SLC30A1: variants seen among roughly 807,000 people sequenced by gnomAD.
SLC30A1 encodes the protein proton-coupled zinc antiporter SLC30A1.
Under a neutral mutation model 29.8 loss-of-function variants are expected in SLC30A1, and 7 were observed. The observed-to-expected ratio is 0.23, with a 90% CI of 0.13 to 0.44. SLC30A1 has a LOEUF of 0.44. Ranked by LOEUF, SLC30A1 falls within the 20% of genes least tolerant of loss-of-function variation. SLC30A1 has a pLI of 1.00. For synonymous variants in SLC30A1, 254 were observed against 253.5 expected, an observed-to-expected ratio of 1.00 and a Z score of -0.02; for missense variants, 446 against 647.9, an observed-to-expected ratio of 0.69 and a Z score of 3.38.
At position 211,573,225 on chromosome 1, in the gene SLC30A1, A is replaced by G. The variant is rs924000825; in HGVS notation, c.*2163T>C. On this transcript the variant is annotated 3_prime_UTR_variant, in exon 2 of 2. Transcript: ENST00000367001. ...TCTGCCGACAGTCATTTGAAAAAAG[A>G]AAATCCTATGGTACCACCATTATAT... 1 of 152,116 alleles carries G rather than the reference A, an allele frequency of 6.6e-6. No homozygotes were observed. The highest frequency in any genetic ancestry group is 1.5e-5 in the Non-Finnish European group (1 of 67,930). 9.4% of individuals were successfully genotyped at this position (152,116 alleles called of 1,614,324 possible). A position where few individuals can be genotyped will look rare whatever the true frequency, so the allele number is the denominator to read the frequency against.
Position 211,578,757 on chromosome 1 carries a change from C to A in SLC30A1, c.-145G>T. 1 of 735,878 alleles carries A rather than the reference C, an allele frequency of 1.4e-6. No individual in the cohort carries two copies. 45.6% of individuals were successfully genotyped at this position (735,878 alleles called of 1,614,324 possible). A position where few individuals can be genotyped will look rare whatever the true frequency, so the allele number is the denominator to read the frequency against. On this transcript the variant is annotated 5_prime_UTR_variant, in exon 1 of 2. Transcript: ENST00000367001. ...AACCGCTGAGGGGCCCCCGCGGCCG[C>A]ACGGGGACAAGCCCGGGTCAAGCCG...
In SLC30A1 at chr1:211,572,830, A is replaced by T. The variant is rs1706668649; in HGVS notation, c.*2558T>A. 6.6e-6 allele frequency: 1 copy of T among 152,110 alleles called. No homozygotes were observed. Among genetic ancestry groups the T allele is most frequent in the South Asian group, 2.1e-4 (1 of 4,830 alleles). 9.4% of individuals were successfully genotyped at this position (152,110 alleles called of 1,614,324 possible). On this transcript the variant is annotated 3_prime_UTR_variant, in exon 2 of 2. Coordinates refer to ENST00000367001, the MANE Select transcript of SLC30A1 (RefSeq NM_021194.3). Reference sequence around the variant, plus strand: ...AATTTCTTGGTTTTAATTCAGGCACATGCAGCACCTCCTTTTCACTAAACT... The same window carrying T: ...AATTTCTTGGTTTTAATTCAGGCACTTGCAGCACCTCCTTTTCACTAAACT...
chr1:211,578,430 G>T lies in SLC30A1; in HGVS notation c.183C>A (p.Ala61=). The change falls in exon 1 of 2, where the codon GCC becomes GCA. Residue 61 remains alanine (A), a synonymous_variant. Transcript: ENST00000367001. ...LVVALVAERF[A]RRTHATQKNT... is the part of the protein sequence containing the mutation. ...TCTTCTGGGTGGCGTGGGTCCGCCG[G>T]GCGAAGCGCTCGGCCACCAGCGCCA... is the stretch of plus-strand genomic sequence containing the variant. 4 of 1,612,556 alleles carry T rather than the reference G, an allele frequency of 2.5e-6. No homozygotes were observed. Among genetic ancestry groups the T allele is most frequent in the Non-Finnish European group, 3.4e-6 (4 of 1,179,596 alleles).
At position 211,578,352 on chromosome 1, in the gene SLC30A1, G is replaced by A; in HGVS notation, c.261C>T (p.Ile87=). 6.2e-7 allele frequency: 1 copy of A among 1,613,874 alleles called. No homozygotes were observed. Among genetic ancestry groups the A allele is most frequent in the Non-Finnish European group, 8.5e-7 (1 of 1,179,966 alleles). The change falls in exon 1 of 2, where the codon ATC becomes ATT. Residue 87 remains isoleucine (I), a synonymous_variant. Coordinates refer to ENST00000367001, the MANE Select transcript of SLC30A1 (RefSeq NM_021194.3). ...AEVMGALVNA[I]FLTGLCFAIL... ...TGGCGAAACAGAGGCCAGTCAGGAA[G>A]ATGGCGTTCACCAGAGCCCCCATTA...
Position 211,576,284 on chromosome 1 carries a change from C to T in SLC30A1, c.628G>A (p.Glu210Lys). The change falls in exon 2 of 2, where the codon GAA becomes AAA. Residue 210 changes from glutamate (E) to lysine (K), a missense_variant. By Grantham distance (56) the Glu-to-Lys change is moderately conservative. This residue lies in a region of SLC30A1 where 159 missense variants were observed against 161.1 expected (regional missense o/e 0.99). Transcript: ENST00000367001. ...NGLKLDPADPENPRSGDTVEV... is the reference protein window; with the variant it reads ...NGLKLDPADPKNPRSGDTVEV... ...ACTGTATCACCACTTCTGGGGTTTTCTGGGTCTACAAAGAAATAAAAATTT... is the reference window on the plus strand; with the variant it reads ...ACTGTATCACCACTTCTGGGGTTTTTTGGGTCTACAAAGAAATAAAAATTT... 1 of 1,564,974 alleles carries T rather than the reference C, an allele frequency of 6.4e-7. No individual in the cohort carries two copies. The highest frequency in any genetic ancestry group is 8.6e-7 in the Non-Finnish European group (1 of 1,158,092).
Position 211,578,076 on chromosome 1 carries a change from C to T in SLC30A1, c.537G>A (p.Pro179=), listed in dbSNP as rs1706743907. 2.5e-6 allele frequency: 4 copies of T among 1,612,440 alleles called. No individual in the cohort carries two copies. Among genetic ancestry groups the T allele is most frequent in the East Asian group, 4.5e-5 (2 of 44,854 alleles). Reference sequence around the variant, plus strand: ...CCTCCTGGTCGGGACCCTGCTCGCCCGGGGCCACGTTGATGTCGCTGCTCC... The same window carrying T: ...CCTCCTGGTCGGGACCCTGCTCGCCTGGGGCCACGTTGATGTCGCTGCTCC... ...RPGSSDINVA[P]GEQGPDQEET... Residue 179 remains proline (P), a synonymous_variant, in exon 1 of 2, where the codon CCG becomes CCA. Transcript: ENST00000367001.
In SLC30A1 at chr1:211,574,302, T is replaced by C. The variant is rs1382867080; in HGVS notation, c.*1086A>G. On this transcript the variant is annotated 3_prime_UTR_variant, in exon 2 of 2. Coordinates refer to ENST00000367001, the MANE Select transcript of SLC30A1 (RefSeq NM_021194.3). ...CTTACAAAATCTTAATTAATTTTGC[T>C]TTAATTATTAATTTTGCTAAGAATT... 6.6e-6 allele frequency: 1 copy of C among 152,084 alleles called. No homozygotes were observed. Among genetic ancestry groups the C allele is most frequent in the Non-Finnish European group, 1.5e-5 (1 of 67,938 alleles). 9.4% of individuals were successfully genotyped at this position (152,084 alleles called of 1,614,324 possible). A position where few individuals can be genotyped will look rare whatever the true frequency, so the allele number is the denominator to read the frequency against.
rs893484780 is a variant in SLC30A1, at chr1:211,573,856, G to A, written c.*1532C>T. ...TCAGCTGTTCTTAAATAGGCCCATC[G>A]CCAGCAATAGGCTTATACTAGGAAA... is the stretch of plus-strand genomic sequence containing the variant. On this transcript the variant is annotated 3_prime_UTR_variant, in exon 2 of 2. Transcript: ENST00000367001. The A allele has an allele frequency of 2.0e-5, 3 of 152,476 alleles. No individual in the cohort carries two copies. The highest frequency in any genetic ancestry group is 4.8e-5 in the African/African-American group (2 of 41,510). 9.4% of individuals were successfully genotyped at this position (152,476 alleles called of 1,614,324 possible).
chr1:211,574,003 A>G lies in SLC30A1; in HGVS notation c.*1385T>C, dbSNP rs1372831429. Reference sequence around the variant, plus strand: ...CCCAAAACGTAGCCATCCCAAAAGTAGTCAGCTATAAAAGTAGTCAGAATA... The same window carrying G: ...CCCAAAACGTAGCCATCCCAAAAGTGGTCAGCTATAAAAGTAGTCAGAATA... On this transcript the variant is annotated 3_prime_UTR_variant, in exon 2 of 2. Coordinates refer to ENST00000367001, the MANE Select transcript of SLC30A1 (RefSeq NM_021194.3). The G allele has an allele frequency of 6.6e-6, 1 of 152,568 alleles. No homozygotes were observed. The allele number at this position is 152,568 out of a possible 1,614,324, so 9.5% of individuals were successfully genotyped here.
intron 1 of SLC30A1, among the ~76,000 whole-genome samples, chr1:211,576,697 G>A (rs1706723292): frequency 6.6e-6 from 1 of 152,112 alleles, no homozygotes. Flanking sequence ...TGACACTCGG[G>A]CACTCTCTAG....
chr1:211,576,339 A>G (rs998121084), intron 1 of SLC30A1, 50 bp from the exon 2 acceptor site: 2 of 1,216,800 alleles, frequency 1.6e-6, no homozygotes, highest in Non-Finnish European at 2.3e-6. Context: ...GTGTTTATAT[A>G]AACATCCTTG....
chr1:211,572,772 C>T lies in SLC30A1; in HGVS notation c.*2616G>A, dbSNP rs1261963738. ...AAAAGGTGACAATGGAGAATTAAAT[C>T]TCTCATCACTAAGGCTGCATTTGGC... is the stretch of plus-strand genomic sequence containing the variant. On this transcript the variant is annotated 3_prime_UTR_variant, in exon 2 of 2. Transcript: ENST00000367001. The T allele has an allele frequency of 6.6e-6, 1 of 152,050 alleles. No homozygotes were observed. Among genetic ancestry groups the T allele is most frequent in the Non-Finnish European group, 1.5e-5 (1 of 67,940 alleles). 9.4% of individuals were successfully genotyped at this position (152,050 alleles called of 1,614,324 possible). A position where few individuals can be genotyped will look rare whatever the true frequency, so the allele number is the denominator to read the frequency against.
rs1246827415 is a variant in SLC30A1 at position 211,573,309 on chromosome 1, CA to C, written c.*2078del. The C allele has an allele frequency of 2.0e-5, 3 of 152,002 alleles. No individual in the cohort carries two copies. The highest frequency in any genetic ancestry group is 2.0e-4 in the Admixed American group (3 of 15,282). 9.4% of individuals were successfully genotyped at this position (152,002 alleles called of 1,614,324 possible). On this transcript the variant is annotated 3_prime_UTR_variant, in exon 2 of 2. Transcript: ENST00000367001. ...ACTCAAACCTAAAGGCTGTTATCTT[CA>C]AAGCACTTTTGAAAAACAAACAAAC...
At position 211,572,511 on chromosome 1, in the gene SLC30A1, AG is replaced by A. The variant is rs1349065365; in HGVS notation, c.*2876del. The A allele has an allele frequency of 2.0e-5, 3 of 152,100 alleles. No individual in the cohort carries two copies. Among genetic ancestry groups the A allele is most frequent in the African/African-American group, 7.2e-5 (3 of 41,446 alleles). The allele number at this position is 152,100 out of a possible 1,614,324, so 9.4% of individuals were successfully genotyped here. ...CTGTCAAAAATTCAAAATTAACTTAAGGATGTTAATAAGACACAAACGGTTA... is the reference window on the plus strand; with the variant it reads ...CTGTCAAAAATTCAAAATTAACTTAAGATGTTAATAAGACACAAACGGTTA... On this transcript the variant is annotated 3_prime_UTR_variant, in exon 2 of 2. Coordinates refer to ENST00000367001, the MANE Select transcript of SLC30A1 (RefSeq NM_021194.3).
Position 211,578,146 on chromosome 1 carries a change from C to A in SLC30A1, c.467G>T (p.Gly156Val). 6.2e-7 allele frequency: 1 copy of A among 1,608,000 alleles called. No homozygotes were observed. Among genetic ancestry groups the A allele is most frequent in the Non-Finnish European group, 8.5e-7 (1 of 1,177,968 alleles). The change falls in exon 1 of 2, where the codon GGC (glycine) becomes GTC (valine). Residue 156 changes from glycine (G) to valine (V), a missense_variant. Physicochemically the swap from Gly to Val is moderately radical, Grantham distance 109. Around this residue, in one of 5 missense-constraint regions of SLC30A1, gnomAD observed 159 missense variants for 161.1 expected, o/e 0.99. Transcript: ENST00000367001. Reference protein sequence around the residue: ...HGHSHGGHGHGHGLPKGPRVK... With the variant: ...HGHSHGGHGHVHGLPKGPRVK... Reference sequence around the variant, plus strand: ...GCGAGGCCCCTTGGGGAGGCCGTGGCCGTGGCCGTGACCCCCGTGCGAGTG... The same window carrying A: ...GCGAGGCCCCTTGGGGAGGCCGTGGACGTGGCCGTGACCCCCGTGCGAGTG...
In SLC30A1 at chr1:211,576,287, G is replaced by T. The variant is rs764125530; in HGVS notation, c.625C>A (p.Pro209Thr). 37 of 1,543,446 alleles carry T rather than the reference G, an allele frequency of 2.4e-5. No individual in the cohort carries two copies. The highest frequency in any genetic ancestry group is 3.1e-5 in the Non-Finnish European group (36 of 1,146,500). ...GTATCACCACTTCTGGGGTTTTCTG[G>T]GTCTACAAAGAAATAAAAATTTTAT... ...SNGLKLDPAD[P>T]ENPRSGDTVE... is the part of the protein sequence containing the mutation. The change falls in exon 2 of 2, where the codon CCA (proline) becomes ACA (threonine). Residue 209 changes from proline to threonine, a missense_variant and splice_region_variant. Pro to Thr is a conservative substitution (Grantham distance 38). Around this residue, in one of 5 missense-constraint regions of SLC30A1, gnomAD observed 159 missense variants for 161.1 expected, o/e 0.99. Coordinates refer to ENST00000367001, the MANE Select transcript of SLC30A1 (RefSeq NM_021194.3).
Position 211,576,197 on chromosome 1 carries a change from T to C in SLC30A1, c.715A>G (p.Arg239Gly), listed in dbSNP as rs755078575. Residue 239 changes from arginine to glycine, a missense_variant, in exon 2 of 2, where the codon AGG (arginine) becomes GGG (glycine). Coordinates refer to ENST00000367001, the MANE Select transcript of SLC30A1 (RefSeq NM_021194.3). ...EPDHMELEED[R>G]AGQLNMRGVF... The stretch of plus-strand genomic sequence containing the variant: ...CCACGCATGTTAAGTTGTCCAGCCC[T>C]ATCTTCTTCCAGTTCCATATGGTCA... 1.2e-6 allele frequency: 2 copies of C among 1,613,458 alleles called. No homozygotes were observed. The highest frequency in any genetic ancestry group is 1.1e-5 in the South Asian group (1 of 91,076).
chr1:211,578,550 G>A lies in SLC30A1; in HGVS notation c.63C>T (p.Phe21=). Residue 21 remains phenylalanine (F), a synonymous_variant, in exon 1 of 2, where the codon TTC becomes TTT. Transcript: ENST00000367001. The part of the protein sequence containing the change: ...LLCMLALTFM[F]MVLEVVVSRV... ...GGCTCACCACCACCTCCAGCACCAT[G>A]AACATGAAGGTCAGCGCCAGCATGC... 2 of 1,610,636 alleles carry A rather than the reference G, an allele frequency of 1.2e-6. No individual in the cohort carries two copies. The highest frequency in any genetic ancestry group is 8.5e-7 in the Non-Finnish European group (1 of 1,179,384).
At position 211,578,354 on chromosome 1, in the gene SLC30A1, T is replaced by C. The variant is rs1037362351; in HGVS notation, c.259A>G (p.Ile87Val). The C allele has an allele frequency of 5.0e-6, 8 of 1,613,748 alleles. No individual in the cohort carries two copies. The East Asian group carries it at 1.1e-4, about 22-fold the overall frequency. Residue 87 changes from isoleucine to valine, a missense_variant, in exon 1 of 2, where the codon ATC (isoleucine) becomes GTC (valine). Coordinates refer to ENST00000367001, the MANE Select transcript of SLC30A1 (RefSeq NM_021194.3). ...AEVMGALVNA[I>V]FLTGLCFAIL... ...GCGAAACAGAGGCCAGTCAGGAAGATGGCGTTCACCAGAGCCCCCATTACC... is the reference window on the plus strand; with the variant it reads ...GCGAAACAGAGGCCAGTCAGGAAGACGGCGTTCACCAGAGCCCCCATTACC...
Sources: allele counts gnomAD v4.1 joint callset (sites outside exome capture counted in the v4.1 genomes callset), GRCh38; gene constraint gnomAD v4.1.1; regional missense constraint gnomAD v4.1.1; transcripts MANE v1.5; gene names NCBI Gene and HGNC (gene_info 2026-07-23, HGNC 2026-07-21).